DNAJA4: variants seen among roughly 807,000 people sequenced by gnomAD.
The protein encoded by DNAJA4 is dnaJ homolog subfamily A member 4.
In DNAJA4, 32 loss-of-function variants were observed where a neutral mutation model predicts 39.7. That is an observed-to-expected ratio of 0.81 (90% CI 0.61 to 1.08). DNAJA4 has a LOEUF of 1.08. DNAJA4 is among the 50% of genes least tolerant of loss of function. The pLI is 0.00. For synonymous variants in DNAJA4, 184 were observed against 182.4 expected (o/e 1.01, Z -0.07); for missense variants, 439 against 505.1 (o/e 0.87, Z 1.25).
chr15:78,272,314 G>GC (rs1791021665), intron 2 of DNAJA4, among the ~76,000 whole-genome samples: 1 of 152,060 alleles, frequency 6.6e-6, no homozygotes, highest in Admixed American at 6.6e-5. Flanking sequence ...TCCAGCCTGG[G>GC]GACAGAGCAA....
At position 78,264,778 on chromosome 15, in the gene DNAJA4, C is replaced by T; in HGVS notation, c.15C>T (p.Thr5=). The stretch of plus-strand genomic sequence containing the variant: ...GCAGACACAAGATGGTGAAGGAGAC[C>T]CAGTACTATGACATCCTGGGCGTGA... The part of the protein sequence containing the change: MVKE[T]QYYDILGVKP... Residue 5 remains threonine (T), a synonymous_variant, in exon 1 of 7, where the codon ACC becomes ACT. Coordinates refer to ENST00000394852, the MANE Select transcript of DNAJA4 (RefSeq NM_001130182.2). 1 of 1,605,548 alleles carries T rather than the reference C, an allele frequency of 6.2e-7. No homozygotes were observed. Among genetic ancestry groups the T allele is most frequent in the Non-Finnish European group, 8.5e-7 (1 of 1,175,768 alleles).
At position 78,274,521 on chromosome 15, in the gene DNAJA4, T is replaced by C. The variant is rs1378882915; in HGVS notation, c.646+97T>C. ...GACTAGATGTCAGGGAAGTGAGCTGTATCACAACATGTATTGGGTGTGCCA... is the reference window on the plus strand; with the variant it reads ...GACTAGATGTCAGGGAAGTGAGCTGCATCACAACATGTATTGGGTGTGCCA... On this transcript the variant is annotated intron_variant, in intron 4 of 6. Coordinates refer to ENST00000394852, the MANE Select transcript of DNAJA4 (RefSeq NM_001130182.2). 7.8e-6 allele frequency: 8 copies of C among 1,032,050 alleles called. No homozygotes were observed. In the South Asian group the frequency reaches 9.7e-5, roughly 13 times the overall value. The allele number at this position is 1,032,050 out of a possible 1,614,324, so 63.9% of individuals were successfully genotyped here. A position where few individuals can be genotyped will look rare whatever the true frequency, so the allele number is the denominator to read the frequency against.
upstream of DNAJA4, chr15:78,264,153 C>T: frequency 2.1e-6 from 1 of 468,792 alleles, no homozygotes; most frequent in Non-Finnish European, 3.6e-6. Flanking sequence ...CCAGTCCCAC[C>T]CTTCGGCGCA....
rs747126967 is a variant in DNAJA4 at position 78,275,496 on chromosome 15, A to G, written c.647-2A>G. On this transcript the variant is annotated splice_acceptor_variant, in intron 4 of 6. Coordinates refer to ENST00000394852, the MANE Select transcript of DNAJA4 (RefSeq NM_001130182.2). LOFTEE classifies it high-confidence loss of function. ...TAATCAGAAAGGGATGATGTTTCAT[A>G]GGTATGAAAGATGGGCAAAAGATAC... is the stretch of plus-strand genomic sequence containing the variant. 1 of 1,609,202 alleles carries G rather than the reference A, an allele frequency of 6.2e-7. No homozygotes were observed. The highest frequency in any genetic ancestry group is 1.7e-5 in the Admixed American group (1 of 59,840).
Position 78,270,488 on chromosome 15 carries a change from C to G in DNAJA4, c.133-9C>G. The G allele has an allele frequency of 6.2e-7, 1 of 1,603,720 alleles. No individual in the cohort carries two copies. The highest frequency in any genetic ancestry group is 8.5e-7 in the Non-Finnish European group (1 of 1,175,938). On this transcript the variant is annotated splice_polypyrimidine_tract_variant and intron_variant, in intron 1 of 6. Coordinates refer to ENST00000394852, the MANE Select transcript of DNAJA4 (RefSeq NM_001130182.2). ...TCTCTAAAAATCTCTCTCTCTCTCT[C>G]TTTTAAAGTTTAAACTCATATCCCA...
At chr15:78,267,200 A>G (rs1489270318) in intron 1 of DNAJA4, among the ~76,000 whole-genome samples, 4 of 138,174 alleles carry the variant, frequency 2.9e-5, no homozygotes, top group African/African-American at 9.7e-5. Flanking sequence ...GTGAGTGTGT[A>G]TGTGAGTGTG....
Position 78,273,185 on chromosome 15 carries a change from G to T in DNAJA4, c.404G>T (p.Cys135Phe). The T allele has an allele frequency of 6.3e-7, 1 of 1,589,878 alleles. No homozygotes were observed. Among genetic ancestry groups the T allele is most frequent in the Non-Finnish European group, 8.6e-7 (1 of 1,157,760 alleles). ...KKLALQKNVI[C>F]EKCEGVGGKK... ...TTGGCCCTCCAGAAAAATGTAATTT[G>T]TGAGAAATGTGAAGGTAAAAATTAA... Residue 135 changes from cysteine (C) to phenylalanine (F), a missense_variant, in exon 3 of 7, where the codon TGT becomes TTT. Transcript: ENST00000394852.
chr15:78,268,578 A>G (rs766809668), intron 1 of DNAJA4, among the ~76,000 whole-genome samples: 1 of 152,146 alleles, frequency 6.6e-6, no homozygotes, highest in East Asian at 1.9e-4. Flanking sequence ...TTTTCCCTGA[A>G]TATTTTTTGG....
rs565110833 is a variant in DNAJA4, at chr15:78,270,546, G to C, written c.182G>C (p.Arg61Thr). The C allele has an allele frequency of 6.2e-7, 1 of 1,614,156 alleles. No homozygotes were observed. The highest frequency in any genetic ancestry group is 1.3e-5 in the African/African-American group (1 of 75,044). ...AYEVLSDPKK[R>T]DVYDQGGEQA... ...GAAGTGCTTTCAGATCCAAAGAAAAGGGATGTTTATGACCAAGGCGGAGAG... is the reference window on the plus strand; with the variant it reads ...GAAGTGCTTTCAGATCCAAAGAAAACGGATGTTTATGACCAAGGCGGAGAG... The change falls in exon 2 of 7, where the codon AGG becomes ACG. Residue 61 changes from arginine to threonine, a missense_variant. Arg to Thr is a moderately conservative substitution (Grantham distance 71). Coordinates refer to ENST00000394852, the MANE Select transcript of DNAJA4 (RefSeq NM_001130182.2).
chr15:78,274,450 C>G, intron 4 of DNAJA4, 26 bp downstream of exon 4: 1 of 1,604,550 alleles, frequency 6.2e-7, no homozygotes, highest in Non-Finnish European at 8.5e-7. Flanking sequence ...GCTGGTGCTC[C>G]ACACGGGCTG....
chr15:78,264,663 A>G lies in DNAJA4; in HGVS notation c.-101A>G, dbSNP rs28484827. ...GCGGCGACCGTGACCGTGACGCGCGAGCGGGCGGCGGGGGCGCGGGCCAGG... is the reference window on the plus strand; with the variant it reads ...GCGGCGACCGTGACCGTGACGCGCGGGCGGGCGGCGGGGGCGCGGGCCAGG... On this transcript the variant is annotated 5_prime_UTR_variant, in exon 1 of 7. Transcript: ENST00000394852. The G allele has an allele frequency of 0.83, 839,725 of 1,017,816 alleles. 347,051 individuals carry two copies. Among genetic ancestry groups the G allele is most frequent in the East Asian group, 0.87 (9,385 of 10,776 alleles). The allele number at this position is 1,017,816 out of a possible 1,614,324, so 63.0% of individuals were successfully genotyped here.
chr15:78,264,796 G>A lies in DNAJA4; in HGVS notation c.33G>A (p.Leu11=), dbSNP rs763182835. Residue 11 remains leucine, a synonymous_variant, in exon 1 of 7, where the codon CTG becomes CTA. Transcript: ENST00000394852. MVKETQYYDI[L]GVKPSASPEE... is the part of the protein sequence containing the mutation. ...AGGAGACCCAGTACTATGACATCCT[G>A]GGCGTGAAGCCCAGCGCGTCCCCGG... The A allele has an allele frequency of 5.8e-5, 93 of 1,609,694 alleles. 2 individuals carry two copies. In the South Asian group the frequency reaches 1.0e-3, roughly 18 times the overall value.
chr15:78,271,314 A>G (rs905019038), intron 2 of DNAJA4, among the ~76,000 whole-genome samples: 1 of 151,994 alleles, frequency 6.6e-6, no homozygotes, highest in Admixed American at 6.6e-5. Context: ...GATGTAGATG[A>G]CGCCGCCTGT....
In DNAJA4 at chr15:78,279,516, AAGG is replaced by A; in HGVS notation, c.878-526_878-524del. ...TGTATGGAAGTGCATTGTGACCATG[AAGG>A]AGTCTGCCAGTGGCCAAGCCACCTA... On this transcript the variant is annotated intron_variant, in intron 5 of 6. Transcript: ENST00000394852. This position sits in a 1 kb window ranked among gnomAD's most constrained non-coding sequence, Gnocchi z 4.5. 6.2e-6 allele frequency: 1 copy of A among 161,496 alleles called. No homozygotes were observed. Among genetic ancestry groups the A allele is most frequent in the Admixed American group, 5.6e-5 (1 of 17,782 alleles). 10.0% of individuals were successfully genotyped at this position (161,496 alleles called of 1,614,324 possible).
At chr15:78,275,004 C>G (rs1191061751) in intron 4 of DNAJA4, 2 of 174,122 alleles carry the variant, frequency 1.1e-5, no homozygotes, top group Admixed American at 5.5e-5. Flanking sequence ...TATCCTAGAT[C>G]AGAGATGAGA....
Position 78,274,337 on chromosome 15 carries a change from C to T in DNAJA4, c.559C>T (p.Arg187Cys), listed in dbSNP as rs200583547. The change falls in exon 4 of 7, where the codon CGC becomes TGC. Residue 187 changes from arginine to cysteine, a missense_variant. By Grantham distance (180) the Arg-to-Cys change is radical (BLOSUM62 -3). Coordinates refer to ENST00000394852, the MANE Select transcript of DNAJA4 (RefSeq NM_001130182.2). The stretch of plus-strand genomic sequence containing the variant: ...CATCGAGTGCAAGGGCCAGGGTGAG[C>T]GCATCAACCCCAAGGACCGCTGCGA... The part of the protein sequence containing the change: ...VCIECKGQGE[R>C]INPKDRCESC... The T allele has an allele frequency of 5.0e-6, 8 of 1,614,132 alleles. No individual in the cohort carries two copies. The highest frequency in any genetic ancestry group is 1.7e-5 in the Admixed American group (1 of 60,018).
In DNAJA4 at chr15:78,264,564, T is replaced by G; in HGVS notation, c.-200T>G. The G allele has an allele frequency of 8.4e-7, 1 of 1,186,460 alleles. No homozygotes were observed. Among genetic ancestry groups the G allele is most frequent in the Non-Finnish European group, 1.0e-6 (1 of 960,348 alleles). The allele number at this position is 1,186,460 out of a possible 1,614,324, so 73.5% of individuals were successfully genotyped here. A position where few individuals can be genotyped will look rare whatever the true frequency, so the allele number is the denominator to read the frequency against. On this transcript the variant is annotated 5_prime_UTR_variant, in exon 1 of 7. Transcript: ENST00000394852. Reference sequence around the variant, plus strand: ...GCCGCGGAGGAGCCGGTGGCTCTAGTGCGGTGGAGCCAGGCGTGGAAGTCG... The same window carrying G: ...GCCGCGGAGGAGCCGGTGGCTCTAGGGCGGTGGAGCCAGGCGTGGAAGTCG...
chr15:78,278,780 T>A lies in DNAJA4; in HGVS notation c.878-1265T>A, dbSNP rs552889807. Among the ~76,000 whole-genome samples the A allele has an allele frequency of 2.1e-3, 320 of 151,494 alleles. 2 individuals carry two copies. The highest frequency in any genetic ancestry group is 7.5e-3 in the African/African-American group (308 of 41,306). On this transcript the variant is annotated intron_variant, in intron 5 of 6. Transcript: ENST00000394852. ...CATTCTCCTGCCTCAGCCTCCCAAG[T>A]AGCTGGGATTACAGGCACACACCAC...
At chr15:78,278,989 AAG>A (rs1555439375) in intron 5 of DNAJA4, 25 of 151,658 alleles carry the variant, frequency 1.6e-4, no homozygotes, top group African/African-American at 5.6e-4. Context: ...TTCAAAAAAA[AAG>A]AATAAACAGG....
Sources: allele counts gnomAD v4.1 joint callset (sites outside exome capture counted in the v4.1 genomes callset), GRCh38; gene constraint gnomAD v4.1.1; non-coding constraint Gnocchi (gnomAD v3.1); transcripts MANE v1.5; gene names NCBI Gene and HGNC (gene_info 2026-07-23, HGNC 2026-07-21).